Variants in SBF2 observed in about 807,000 individuals in gnomAD.
SBF2 encodes the protein SET binding factor 2.
SBF2 carries 112 observed loss-of-function variants against 225.2 expected under a neutral mutation model. The ratio of observed to expected loss-of-function variants is 0.50; its 90% CI spans 0.43 to 0.58. The LOEUF (loss-of-function observed/expected upper bound fraction) is 0.58, where lower values mean the gene tolerates loss of function less well. Ranked by LOEUF, SBF2 falls within the 20% of genes least tolerant of loss-of-function variation. The pLI is 0.00. For synonymous variants in SBF2, 763 were observed against 773.3 expected, an observed-to-expected ratio of 0.99 and a Z score of 0.22; for missense variants, 1,996 against 2,206.2, an observed-to-expected ratio of 0.90 and a Z score of 1.91.
rs561792518 is a variant in SBF2, at chr11:9,845,824, A to C, written c.2935-84T>G. The C allele has an allele frequency of 1.3e-5, 17 of 1,297,050 alleles. No homozygotes were observed. The South Asian group carries it at 1.5e-4, about 12-fold the overall frequency. The allele number at this position is 1,297,050 out of a possible 1,614,324, so 80.3% of individuals were successfully genotyped here. A position where few individuals can be genotyped will look rare whatever the true frequency, so the allele number is the denominator to read the frequency against. On this transcript the variant is annotated intron_variant, in intron 23 of 39. Transcript: ENST00000256190. ...CCCAAACAACAGAATATAATAACAC[A>C]AAATGGCAAGACTGGAGGTCAAAGG...
intron 2 of SBF2, among the ~76,000 whole-genome samples, chr11:10,048,727 ATTAG>A (rs1949962194): frequency 6.6e-6 from 1 of 152,202 alleles, no homozygotes; most frequent in Admixed American, 6.6e-5. Context: ...TTATCATACT[ATTAG>A]TTAATTTATA....
intron 1 of SBF2, among the ~76,000 whole-genome samples, chr11:10,227,270 T>C (rs567362842): frequency 2.6e-5 from 4 of 152,318 alleles, no homozygotes; most frequent in African/African-American, 9.6e-5. Flanking sequence ...ATTCTGTAGG[T>C]TGCCTGTTCA....
At chr11:9,885,648 G>A (rs889100075) in intron 17 of SBF2, among the ~76,000 whole-genome samples, 7 of 152,098 alleles carry the variant, frequency 4.6e-5, no homozygotes, top group Admixed American at 1.3e-4. Context: ...CATGGTGATA[G>A]CAAAGTAAGA....
chr11:9,814,049 T>C (rs559280296), intron 29 of SBF2, among the ~76,000 whole-genome samples: 1 of 152,362 alleles, frequency 6.6e-6, no homozygotes, highest in East Asian at 1.9e-4. Context: ...ATTTGAGTAC[T>C]TTCTCATTTA....
intron 13 of SBF2, among the ~76,000 whole-genome samples, chr11:9,982,829 G>C (rs113559456): frequency 0.053 from 8,020 of 152,296 alleles, 285 homozygotes; most frequent in Middle Eastern, 0.16. Flanking sequence ...CTGAAGGTCT[G>C]TTTGTGGGAG....
At chr11:10,229,882 C>T (rs955563796) in intron 1 of SBF2, among the ~76,000 whole-genome samples, 8 of 152,150 alleles carry the variant, frequency 5.3e-5, no homozygotes, top group African/African-American at 1.9e-4. Flanking sequence ...AACTTTCTGT[C>T]TGGTTGATCT....
At chr11:10,294,864 G>A (rs867155893), upstream of SBF2, among the ~76,000 whole-genome samples, 10 of 152,204 alleles carry the variant, frequency 6.6e-5, no homozygotes, top group South Asian at 4.1e-4. Context: ...CTCTCCCTGG[G>A]GAGCCCCGCA....
At chr11:10,249,014 T>C (rs948189284) in intron 1 of SBF2, among the ~76,000 whole-genome samples, 2 of 151,808 alleles carry the variant, frequency 1.3e-5, no homozygotes, top group African/African-American at 2.4e-5. Context: ...GAGAATGGCA[T>C]GAACCTGGCA....
chr11:9,892,246 G>A (rs1860887816), intron 17 of SBF2, among the ~76,000 whole-genome samples: 1 of 152,062 alleles, frequency 6.6e-6, no homozygotes, highest in Non-Finnish European at 1.5e-5. Context: ...AGCCTCCTGA[G>A]TAGCTGGGAC....
chr11:10,157,554 C>A (rs760818177), intron 2 of SBF2, among the ~76,000 whole-genome samples: 1 of 152,162 alleles, frequency 6.6e-6, no homozygotes, highest in Middle Eastern at 3.2e-3. Context: ...CTATAAGGAA[C>A]TTAAATTCAC....
intron 16 of SBF2, among the ~76,000 whole-genome samples, chr11:9,941,451 G>A (rs983712861): frequency 3.2e-4 from 49 of 152,186 alleles, no homozygotes; most frequent in African/African-American, 1.1e-3. Context: ...TCAGAGAAGA[G>A]ATACAGAGGA....
intron 17 of SBF2, among the ~76,000 whole-genome samples, chr11:9,858,983 A>G (rs1246728082): frequency 2.0e-5 from 3 of 152,164 alleles, no homozygotes; most frequent in Non-Finnish European, 4.4e-5. Flanking sequence ...CTGGGCTTCA[A>G]GGGCATTTTC....
At chr11:10,001,745 A>T (rs4909918) in intron 7 of SBF2, among the ~76,000 whole-genome samples, 1 of 151,676 alleles carries the variant, frequency 6.6e-6, no homozygotes, top group Non-Finnish European at 1.5e-5. Flanking sequence ...CCAGGATGGT[A>T]TGGATCTCTT....
chr11:10,289,512 C>G (rs1964026600), intron 1 of SBF2, among the ~76,000 whole-genome samples: 1 of 152,142 alleles, frequency 6.6e-6, no homozygotes. Flanking sequence ...GCAGAGGTAA[C>G]ATCTCTACGA....
At chr11:10,042,338 A>G (rs1949684968) in intron 3 of SBF2, among the ~76,000 whole-genome samples, 1 of 152,170 alleles carries the variant, frequency 6.6e-6, no homozygotes, top group Non-Finnish European at 1.5e-5. Context: ...ACCTCAACCA[A>G]TAGTCTGAAA....
At chr11:9,967,971 C>CTCTCTCTCTCTATATATATATATATATA (rs1260685462) in intron 14 of SBF2, among the ~76,000 whole-genome samples, 5 of 91,500 alleles carry the variant, frequency 5.5e-5, no homozygotes, top group African/African-American at 1.9e-4. Flanking sequence ...CTCTCTCTCT[C>CTCTCTCTCTCTATATATATATATATATA]TATATATATA....
chr11:10,180,515 C>A (rs1395793911), intron 2 of SBF2, among the ~76,000 whole-genome samples: 1 of 152,000 alleles, frequency 6.6e-6, no homozygotes, highest in Non-Finnish European at 1.5e-5. Flanking sequence ...TTATCCTTGA[C>A]CTTTGGGAGT....
chr11:9,819,004 G>A (rs1282745582), intron 28 of SBF2, among the ~76,000 whole-genome samples: 1 of 152,002 alleles, frequency 6.6e-6, no homozygotes, highest in Non-Finnish European at 1.5e-5. Flanking sequence ...TTACAGGTGC[G>A]AGCCACCACA....
chr11:9,841,568 T>A (rs542732397), intron 25 of SBF2, among the ~76,000 whole-genome samples: 1 of 151,274 alleles, frequency 6.6e-6, no homozygotes, highest in East Asian at 1.9e-4. Flanking sequence ...TCTTGCTCTG[T>A]CCGACCCAGG....
Sources: allele counts gnomAD v4.1 joint callset (sites outside exome capture counted in the v4.1 genomes callset), GRCh38; gene constraint gnomAD v4.1.1; transcripts MANE v1.5; gene names NCBI Gene and HGNC (gene_info 2026-07-23, HGNC 2026-07-21).